CFAP91: variants seen among roughly 807,000 people sequenced by gnomAD.
The protein encoded by CFAP91 is cilia- and flagella-associated protein 91.
Under a neutral mutation model 95.9 loss-of-function variants are expected in CFAP91, and 85 were observed. The observed-to-expected ratio is 0.89, with a 90% CI of 0.74 to 1.06. The LOEUF is 1.06. CFAP91 is among the 50% of genes least tolerant of loss of function. CFAP91 has a pLI of 0.00. For synonymous variants in CFAP91, 335 were observed against 327.5 expected (o/e 1.02, Z -0.25); for missense variants, 962 against 943.4 (o/e 1.02, Z -0.26).
chr3:119,706,674 G>A, intron 1 of CFAP91, 135 bp from the exon 2 acceptor site: 1 of 664,084 alleles, frequency 1.5e-6, no homozygotes, highest in Non-Finnish European at 2.7e-6. Context: ...CAGAGCATGA[G>A]CTGCTGCAGA....
chr3:119,750,491 A>G (rs1335656066), intron 16 of CFAP91: 1 of 172,930 alleles, frequency 5.8e-6, no homozygotes, highest in Admixed American at 5.4e-5. Context: ...CACATTAAGA[A>G]CTAAGGCTCA....
intron 14 of CFAP91, among the ~76,000 whole-genome samples, chr3:119,746,079 C>G (rs986812264): frequency 2.0e-5 from 3 of 152,290 alleles, no homozygotes; most frequent in Non-Finnish European, 4.4e-5. Flanking sequence ...CTTAATCTTT[C>G]TATATACATA....
rs139552039 is a variant in CFAP91 at position 119,738,496 on chromosome 3, G to A, written c.1462-759G>A. Among the ~76,000 whole-genome samples, 855 of 151,678 alleles carry A rather than the reference G, an allele frequency of 5.6e-3. 6 individuals are homozygous for A. Among genetic ancestry groups the A allele is most frequent in the African/African-American group, 0.019 (801 of 41,406 alleles). On this transcript the variant is annotated intron_variant, in intron 11 of 17. Coordinates refer to ENST00000273390, the MANE Select transcript of CFAP91 (RefSeq NM_033364.4). ...TATGAGTAGCTGGAACTACAGGCAT[G>A]TGTCACCACACCCAGCTAATTTTTA...
chr3:119,731,917 GGGGA>G (rs2053905968), intron 8 of CFAP91, among the ~76,000 whole-genome samples: 1 of 152,208 alleles, frequency 6.6e-6, no homozygotes, highest in Non-Finnish European at 1.5e-5. Flanking sequence ...TATCCTTGTA[GGGGA>G]GAATAATTCC....
intron 5 of CFAP91, chr3:119,715,312 AG>A: frequency 1.7e-6 from 1 of 605,982 alleles, no homozygotes; most frequent in South Asian, 1.7e-5. Context: ...ACATATAAAT[AG>A]GCACTTCTGT....
rs748746264 is a variant in CFAP91, at chr3:119,730,229, G to T, written c.870G>T (p.Glu290Asp). The T allele has an allele frequency of 5.0e-6, 8 of 1,613,602 alleles. No homozygotes were observed. In the East Asian group the frequency reaches 1.8e-4, roughly 36 times the overall value. Residue 290 changes from glutamate to aspartate, a missense_variant, in exon 8 of 18, where the codon GAG (glutamate) becomes GAT (aspartate). Glu to Asp is a conservative substitution (Grantham distance 45, BLOSUM62 2). Coordinates refer to ENST00000273390, the MANE Select transcript of CFAP91 (RefSeq NM_033364.4). ...FREQEIEKLQ[E>D]IRLEVLKELL... ...TGTAATTTACTTGAAGACTGCAGGA[G>T]ATTCGCCTGGAAGTTCTAAAAGAGC...
chr3:119,744,929 C>G (rs2054193725), intron 14 of CFAP91, among the ~76,000 whole-genome samples: 2 of 152,216 alleles, frequency 1.3e-5, no homozygotes, highest in South Asian at 2.1e-4. Flanking sequence ...CCTAATATCA[C>G]TAAGGAAGAA....
chr3:119,742,863 A>G (rs960452183), intron 13 of CFAP91, among the ~76,000 whole-genome samples: 6 of 152,196 alleles, frequency 3.9e-5, no homozygotes, highest in African/African-American at 1.2e-4. Context: ...CCTTTCATAC[A>G]GAAACCAGGA....
Position 119,722,902 on chromosome 3 carries a change from TAAAC to T in CFAP91, c.683-3265_683-3262del, listed in dbSNP as rs573687008. Among the ~76,000 whole-genome samples, 815 of 152,292 alleles carry T rather than the reference TAAAC, an allele frequency of 5.4e-3. 10 individuals carry two copies. The highest frequency in any genetic ancestry group is 0.019 in the African/African-American group (773 of 41,574). ...AAGTATAAATTATTCTTTAAGCACA[TAAAC>T]AAAGATTTGGTGAAAAGAGAGAAAA... On this transcript the variant is annotated intron_variant, in intron 6 of 17. Transcript: ENST00000273390.
intron 13 of CFAP91, 89 bp downstream of exon 13, chr3:119,740,784 A>G: frequency 7.0e-7 from 1 of 1,429,658 alleles, no homozygotes. Context: ...ATAAAAATTA[A>G]TGAAATGATG....
intron 7 of CFAP91, among the ~76,000 whole-genome samples, chr3:119,729,583 G>T (rs2053854220): frequency 6.6e-6 from 1 of 151,810 alleles, no homozygotes; most frequent in South Asian, 2.1e-4. Context: ...GGCAGAGGCT[G>T]CAGTGAGCTT....
intron 1 of CFAP91, among the ~76,000 whole-genome samples, chr3:119,703,429 CG>C (rs1253053451): frequency 1.3e-5 from 2 of 152,328 alleles, no homozygotes; most frequent in African/African-American, 4.8e-5. Context: ...TCGGGTACAT[CG>C]AAAGGCGCGG....
At chr3:119,742,683 T>A (rs999373875) in intron 13 of CFAP91, among the ~76,000 whole-genome samples, 1 of 152,164 alleles carries the variant, frequency 6.6e-6, no homozygotes, top group Non-Finnish European at 1.5e-5. Flanking sequence ...GCTTTGCCCT[T>A]TTTTTCCATC....
At chr3:119,719,031 CCAAATGTCCAT>C (rs2053631206) in intron 6 of CFAP91, among the ~76,000 whole-genome samples, 1 of 151,978 alleles carries the variant, frequency 6.6e-6, no homozygotes, top group African/African-American at 2.4e-5. Context: ...TGAAAACAAC[CCAAATGTCCAT>C]CAACCATAGA....
chr3:119,750,649 C>G (rs2054308018), intron 16 of CFAP91: 1 of 429,824 alleles, frequency 2.3e-6, no homozygotes, highest in South Asian at 2.3e-5. Flanking sequence ...CTGATGTAGT[C>G]AGAGGAGACT....
At position 119,729,268 on chromosome 3, in the gene CFAP91, G is replaced by A. The variant is rs189134884; in HGVS notation, c.861-952G>A. ...GTGTAAGAGGGTCAGACTTCTGGGG[G>A]AACAAATGAGTAGGGTTTTGTTTTG... On this transcript the variant is annotated intron_variant, in intron 7 of 17. Coordinates refer to ENST00000273390, the MANE Select transcript of CFAP91 (RefSeq NM_033364.4). Among the ~76,000 whole-genome samples the A allele has an allele frequency of 1.8e-4, 27 of 152,260 alleles. No individual in the cohort carries two copies. In the East Asian group the frequency reaches 3.1e-3, roughly 17 times the overall value.
chr3:119,717,179 G>A (rs1263616301), intron 6 of CFAP91, among the ~76,000 whole-genome samples: 1 of 152,180 alleles, frequency 6.6e-6, no homozygotes, highest in Non-Finnish European at 1.5e-5. Context: ...CCCTTCTCCT[G>A]CACACTGGTG....
At chr3:119,721,798 T>G (rs1288766763) in intron 6 of CFAP91, among the ~76,000 whole-genome samples, 11 of 151,906 alleles carry the variant, frequency 7.2e-5, no homozygotes, top group Admixed American at 7.2e-4. Flanking sequence ...CTTAGAAAAA[T>G]AAATTATCAG....
intron 17 of CFAP91, among the ~76,000 whole-genome samples, chr3:119,762,076 T>C (rs1320798170): frequency 6.6e-6 from 1 of 151,868 alleles, no homozygotes; most frequent in Non-Finnish European, 1.5e-5. Flanking sequence ...GACATGGTCT[T>C]ATATATAGAA....
Sources: allele counts gnomAD v4.1 joint callset (sites outside exome capture counted in the v4.1 genomes callset), GRCh38; gene constraint gnomAD v4.1.1; transcripts MANE v1.5; gene names NCBI Gene and HGNC (gene_info 2026-07-23, HGNC 2026-07-21).